Variants in SNTG1 observed in about 807,000 individuals in gnomAD.
SNTG1 encodes syntrophin gamma 1.
SNTG1 carries 39 observed loss-of-function variants against 74.7 expected under a neutral mutation model. The ratio of observed to expected loss-of-function variants is 0.52; its 90% confidence interval spans 0.40 to 0.68. The LOEUF (loss-of-function observed/expected upper bound fraction) is 0.68. Among genes scored for constraint, SNTG1 ranks in the 30% least tolerant of loss-of-function variants. The pLI, the probability that SNTG1 is intolerant of heterozygous loss-of-function variation, is 0.00. For synonymous variants in SNTG1, 254 were observed against 217.1 expected, an observed-to-expected ratio of 1.17 and a Z score of -1.49; for missense variants, 685 against 609.5, an observed-to-expected ratio of 1.12 and a Z score of -1.30.
Position 50,417,286 on chromosome 8 carries a change from G to A in SNTG1, c.162+14942G>A, listed in dbSNP as rs561150495. Among the ~76,000 whole-genome samples the A allele has an allele frequency of 2.0e-4, 31 of 152,168 alleles. 1 individual carries two copies. The highest frequency in any genetic ancestry group is 2.4e-5 in the African/African-American group (1 of 41,526). On this transcript the variant is annotated intron_variant, in intron 4 of 18. Coordinates refer to ENST00000642720, the MANE Select transcript of SNTG1 (RefSeq NM_018967.5). ...GAATTTTCTACTAGTTATGAAGCAC[G>A]TGCCACATTATCTTACTCTGTAGAC...
chr8:50,150,366 C>T (rs1466471255), intron 1 of SNTG1, among the ~76,000 whole-genome samples: 1 of 152,126 alleles, frequency 6.6e-6, no homozygotes, highest in Non-Finnish European at 1.5e-5. Context: ...ACCTCTTTTC[C>T]TAATTGAATA....
intron 15 of SNTG1, among the ~76,000 whole-genome samples, chr8:50,666,139 T>C (rs1468672520): frequency 6.6e-6 from 1 of 152,084 alleles, no homozygotes; most frequent in Non-Finnish European, 1.5e-5. Context: ...AGAAAACCAA[T>C]GTAATCTAAC....
In SNTG1 at chr8:49,973,350, C is replaced by T. The variant is rs572279830; in HGVS notation, c.-103+61119C>T. On this transcript the variant is annotated intron_variant, in intron 1 of 18. Transcript: ENST00000642720. Reference sequence around the variant, plus strand: ...GAGACAGGAAGGGGAACATCACACACCAGGGCCTGTTGTGGGGTGGGGGGA... The same window carrying T: ...GAGACAGGAAGGGGAACATCACACATCAGGGCCTGTTGTGGGGTGGGGGGA... Among the ~76,000 whole-genome samples the T allele has an allele frequency of 7.8e-3, 1,187 of 151,520 alleles. 22 individuals are homozygous for T. Among genetic ancestry groups the T allele is most frequent in the African/African-American group, 0.027 (1,117 of 41,252 alleles).
intron 1 of SNTG1, among the ~76,000 whole-genome samples, chr8:50,041,710 C>G (rs901369366): frequency 1.3e-5 from 2 of 152,174 alleles, no homozygotes. Context: ...ACAACATCCC[C>G]TTTTGATTCA....
intron 1 of SNTG1, among the ~76,000 whole-genome samples, chr8:50,021,890 A>C (rs1816847049): frequency 6.6e-6 from 1 of 150,458 alleles, no homozygotes; most frequent in Admixed American, 6.7e-5. Flanking sequence ...GCTGTGAGCC[A>C]GGATCACACC....
intron 2 of SNTG1, among the ~76,000 whole-genome samples, chr8:50,247,420 C>T (rs1380270442): frequency 6.6e-6 from 1 of 152,068 alleles, no homozygotes. Context: ...AAGCATCATC[C>T]TTCTTAGTGC....
At chr8:50,340,187 C>T (rs2091277898) in intron 2 of SNTG1, among the ~76,000 whole-genome samples, 1 of 151,900 alleles carries the variant, frequency 6.6e-6, no homozygotes, top group Admixed American at 6.6e-5. Context: ...GTCAAAATTC[C>T]AGCAAGGTAT....
chr8:50,458,964 T>C (rs1174680334), intron 8 of SNTG1, among the ~76,000 whole-genome samples: 1 of 152,198 alleles, frequency 6.6e-6, no homozygotes, highest in African/African-American at 2.4e-5. Flanking sequence ...GTTGTGCTTT[T>C]GGTGTCTTAG....
chr8:49,931,855 A>T (rs1419098952), intron 1 of SNTG1, among the ~76,000 whole-genome samples: 1 of 152,158 alleles, frequency 6.6e-6, no homozygotes, highest in Non-Finnish European at 1.5e-5. Flanking sequence ...TTGTTTTTAG[A>T]TGTATAGATA....
chr8:50,752,932 G>A (rs1242083759), intron 18 of SNTG1, among the ~76,000 whole-genome samples: 2 of 151,936 alleles, frequency 1.3e-5, no homozygotes, highest in African/African-American at 4.8e-5. Context: ...CTCTCGAGAT[G>A]TCCCATTCTT....
rs2084560351 is a variant in SNTG1 at position 50,212,323 on chromosome 8, C to T, written c.-28+39688C>T. 2.0e-5 allele frequency among the ~76,000 whole-genome samples: 3 copies of T among 152,048 alleles called. No homozygotes were observed. In the East Asian group the frequency reaches 5.8e-4, roughly 29 times the overall value. On this transcript the variant is annotated intron_variant, in intron 2 of 18. Transcript: ENST00000642720. ...AAGTAAAGCTATGTAGATTATATCC[C>T]CTAATGAATGATAGAGATTTTATCA...
intron 13 of SNTG1, among the ~76,000 whole-genome samples, chr8:50,632,336 GGT>G (rs1246986761): frequency 5.9e-5 from 8 of 135,736 alleles, no homozygotes; most frequent in African/African-American, 2.6e-4. Context: ...TTTGAGAGAG[GGT>G]CTCACTCTGT....
intron 1 of SNTG1, among the ~76,000 whole-genome samples, chr8:50,168,776 T>C (rs1030362017): frequency 6.6e-6 from 1 of 152,196 alleles, no homozygotes; most frequent in Non-Finnish European, 1.5e-5. Context: ...TTTAAGATTT[T>C]AATTAGTCAT....
At chr8:50,493,277 A>G (rs1385480687) in intron 8 of SNTG1, among the ~76,000 whole-genome samples, 1 of 152,220 alleles carries the variant, frequency 6.6e-6, no homozygotes, top group Admixed American at 6.5e-5. Context: ...AGGAAGAACC[A>G]GATCATCCAA....
chr8:50,435,808 G>C (rs535956482), intron 4 of SNTG1, among the ~76,000 whole-genome samples: 1 of 152,056 alleles, frequency 6.6e-6, no homozygotes. Flanking sequence ...GATTCTTTTG[G>C]TGGTTTCTGC....
chr8:50,187,187 A>T (rs563042150), intron 2 of SNTG1, among the ~76,000 whole-genome samples: 24 of 152,266 alleles, frequency 1.6e-4, no homozygotes, highest in African/African-American at 4.3e-4. Flanking sequence ...ATATGGAACC[A>T]AAAAAGAGAT....
At chr8:50,305,154 T>C (rs1416252888) in intron 2 of SNTG1, among the ~76,000 whole-genome samples, 1 of 152,056 alleles carries the variant, frequency 6.6e-6, no homozygotes, top group Non-Finnish European at 1.5e-5. Context: ...CAGGAACATT[T>C]TATTGAGCTC....
chr8:50,597,029 A>G (rs2094732012), intron 13 of SNTG1, among the ~76,000 whole-genome samples: 2 of 151,788 alleles, frequency 1.3e-5, no homozygotes, highest in Admixed American at 1.3e-4. Flanking sequence ...GTGTAACTGT[A>G]ACTTTGTACC....
intron 1 of SNTG1, among the ~76,000 whole-genome samples, chr8:49,976,257 G>GT (rs905479345): frequency 7.2e-5 from 11 of 152,108 alleles, no homozygotes; most frequent in East Asian, 1.9e-4. Flanking sequence ...AGGAAAATAA[G>GT]TTTTTTTTGT....
Sources: allele counts gnomAD v4.1 joint callset (sites outside exome capture counted in the v4.1 genomes callset), GRCh38; gene constraint gnomAD v4.1.1; transcripts MANE v1.5; gene names NCBI Gene and HGNC (gene_info 2026-07-23, HGNC 2026-07-21).